DTX3: variants seen among roughly 807,000 people sequenced by gnomAD.
DTX3 encodes deltex E3 ubiquitin ligase 3, also known as E3 ubiquitin-protein ligase DTX3.
Under a neutral mutation model 27.4 loss-of-function variants are expected in DTX3, and 10 were observed. The observed-to-expected ratio is 0.36, with a 90% confidence interval of 0.22 to 0.62. The LOEUF (loss-of-function observed/expected upper bound fraction) is 0.62, where lower values mean the gene tolerates loss of function less well. Among genes scored for constraint, DTX3 ranks in the 20% least tolerant of loss-of-function variants. The probability of loss-of-function intolerance (pLI) is 0.68; values close to 1 mark genes in which losing one functional copy is unlikely to be tolerated. For synonymous variants in DTX3, 171 were observed against 190.7 expected, an observed-to-expected ratio of 0.90 and a Z score of 0.85; for missense variants, 319 against 463.8, an observed-to-expected ratio of 0.69 and a Z score of 2.87.
At chr12:57,606,620 G>T in intron 4 of DTX3, 102 bp downstream of exon 4, 1 of 1,515,906 alleles carries the variant, frequency 6.6e-7, no homozygotes, top group South Asian at 1.2e-5. Context: ...TGGGAGAAAT[G>T]ACAGGAGAAA....
Position 57,607,454 on chromosome 12 carries a change from G to A in DTX3, c.591G>A (p.Lys197=). 6.2e-7 allele frequency: 1 copy of A among 1,614,126 alleles called. No homozygotes were observed. The highest frequency in any genetic ancestry group is 1.1e-5 in the South Asian group (1 of 91,082). Residue 197 remains lysine (K), a synonymous_variant, in exon 5 of 7, where the codon AAG becomes AAA. Transcript: ENST00000337737. This position sits in a 1 kb window ranked among gnomAD's most constrained non-coding sequence, Gnocchi z 7.7. ...GCITRALQVK[K]ACPMCGRFYG... ...TCACCCGGGCTCTGCAGGTGAAAAA[G>A]GCCTGCCCCATGTGCGGCCGCTTCT... is the stretch of plus-strand genomic sequence containing the variant.
rs1020305489 is a variant in DTX3 at position 57,609,364 on chromosome 12, A to G, written c.*212A>G. The G allele has an allele frequency of 1.4e-4, 80 of 580,780 alleles. No homozygotes were observed. The highest frequency in any genetic ancestry group is 2.3e-4 in the Non-Finnish European group (76 of 324,358). The allele number at this position is 580,780 out of a possible 1,614,324, so 36.0% of individuals were successfully genotyped here. ...AGTGTGAGCCACTCCCTTCTGGCAG[A>G]GGCCGACCTCCAAGGCTCTGTTCTC... On this transcript the variant is annotated 3_prime_UTR_variant, in exon 7 of 7. Coordinates refer to ENST00000337737, the MANE Select transcript of DTX3 (RefSeq NM_178502.4).
At chr12:57,606,365 C>A in intron 3 of DTX3, 78 bp from the exon 4 acceptor site, 1 of 1,134,456 alleles carries the variant, frequency 8.8e-7, no homozygotes, top group Non-Finnish European at 1.3e-6. Flanking sequence ...GTCTCTGTTC[C>A]ATGGGCTGCT....
Position 57,607,287 on chromosome 12 carries a change from C to T in DTX3, c.424C>T (p.Pro142Ser), listed in dbSNP as rs753909612. Residue 142 changes from proline (P) to serine (S), a missense_variant, in exon 5 of 7, where the codon CCT becomes TCT. By Grantham distance (74) the Pro-to-Ser change is moderately conservative. Transcript: ENST00000337737. The surrounding 1 kb of genome is among the most constrained non-coding windows in gnomAD (Gnocchi z 7.7). ...PPGARGLPPPPPPLPPPLPPR... is the reference protein window; with the variant it reads ...PPGARGLPPPSPPLPPPLPPR... Reference sequence around the variant, plus strand: ...AGGAGCTCGGGGGCTCCCCCCTCCTCCTCCCCCCCTGCCCCCACCTCTTCC... The same window carrying T: ...AGGAGCTCGGGGGCTCCCCCCTCCTTCTCCCCCCCTGCCCCCACCTCTTCC... 1.6e-6 allele frequency: 2 copies of T among 1,249,156 alleles called. No individual in the cohort carries two copies. The highest frequency in any genetic ancestry group is 2.3e-6 in the Non-Finnish European group (2 of 872,998). The allele number at this position is 1,249,156 out of a possible 1,614,324, so 77.4% of individuals were successfully genotyped here.
Position 57,607,074 on chromosome 12 carries a change from C to A in DTX3, c.211C>A (p.Pro71Thr). ...QLSPQGPPPA[P>T]PNGLYLARKA... ...TTCCCCACAGGGTCCTCCCCCGGCCCCTCCAAATGGGCTCTACCTAGCCCG... is the reference window on the plus strand; with the variant it reads ...TTCCCCACAGGGTCCTCCCCCGGCCACTCCAAATGGGCTCTACCTAGCCCG... Residue 71 changes from proline (P) to threonine (T), a missense_variant, in exon 5 of 7, where the codon CCT becomes ACT. Coordinates refer to ENST00000337737, the MANE Select transcript of DTX3 (RefSeq NM_178502.4). This position sits in a 1 kb window ranked among gnomAD's most constrained non-coding sequence, Gnocchi z 7.7. 6.2e-7 allele frequency: 1 copy of A among 1,614,242 alleles called. No individual in the cohort carries two copies. The highest frequency in any genetic ancestry group is 8.5e-7 in the Non-Finnish European group (1 of 1,180,036).
Position 57,607,507 on chromosome 12 carries a change from A to C in DTX3, c.644A>C (p.Gln215Pro), listed in dbSNP as rs756806035. ...GGGCAGCTGGTGGGCAACCAGCCCC[A>C]GAATGGGCGGATGCTGGTCTCTAAG... is the stretch of plus-strand genomic sequence containing the variant. ...FYGQLVGNQP[Q>P]NGRMLVSKDA... Residue 215 changes from glutamine to proline, a missense_variant, in exon 5 of 7, where the codon CAG (glutamine) becomes CCG (proline). This residue lies in a region of DTX3 where 117 missense variants were observed against 258.5 expected (regional missense o/e 0.45). Coordinates refer to ENST00000337737, the MANE Select transcript of DTX3 (RefSeq NM_178502.4). The surrounding 1 kb of genome is among the most constrained non-coding windows in gnomAD (Gnocchi z 7.7). The C allele has an allele frequency of 1.9e-6, 3 of 1,614,238 alleles. No individual in the cohort carries two copies. The South Asian group carries it at 3.3e-5, about 18-fold the overall frequency.
rs746332380 is a variant in DTX3, at chr12:57,606,977, C to T, written c.114C>T (p.Ala38=). The change falls in exon 5 of 7, where the codon GCC becomes GCT. Residue 38 remains alanine, a synonymous_variant. Transcript: ENST00000337737. ...GCAAAGAGACCCCAGCCCGGCTGGC[C>T]CGGCTTCGGGAGGAGCACCGTGTGT... The part of the protein sequence containing the change: ...FLSKETPARL[A]RLREEHRVSI... 1.6e-5 allele frequency: 26 copies of T among 1,614,102 alleles called. No individual in the cohort carries two copies. In the South Asian group the frequency reaches 2.7e-4, roughly 17 times the overall value.
Position 57,607,390 on chromosome 12 carries a change from C to A in DTX3, c.527C>A (p.Thr176Lys). ...CTGGGGGAGATCCAGAATGCCAAGA[C>A]ATTGGAGAAGTGCCGGCATTCATTC... The part of the protein sequence containing the change: ...ICLGEIQNAK[T>K]LEKCRHSFCE... The change falls in exon 5 of 7, where the codon ACA (threonine) becomes AAA (lysine). Residue 176 changes from threonine to lysine, a missense_variant. Physicochemically the swap from Thr to Lys is moderately conservative, Grantham distance 78. Coordinates refer to ENST00000337737, the MANE Select transcript of DTX3 (RefSeq NM_178502.4). This position sits in a 1 kb window ranked among gnomAD's most constrained non-coding sequence, Gnocchi z 7.7. The A allele has an allele frequency of 6.2e-7, 1 of 1,613,678 alleles. No individual in the cohort carries two copies. The highest frequency in any genetic ancestry group is 8.5e-7 in the Non-Finnish European group (1 of 1,179,796).
Position 57,607,735 on chromosome 12 carries a change from TC to T in DTX3, c.750+124del. ...AGTCTTGCTGTCTTCCACTGTGCCC[TC>T]CTACTCAGTGCCCTGGACCTAGGAG... On this transcript the variant is annotated intron_variant, in intron 5 of 6. Transcript: ENST00000337737. This position sits in a 1 kb window ranked among gnomAD's most constrained non-coding sequence, Gnocchi z 7.7. 4 of 1,326,626 alleles carry T rather than the reference TC, an allele frequency of 3.0e-6. No individual in the cohort carries two copies. The highest frequency in any genetic ancestry group is 4.2e-6 in the Non-Finnish European group (4 of 943,654). The allele number at this position is 1,326,626 out of a possible 1,614,324, so 82.2% of individuals were successfully genotyped here.
intron 4 of DTX3, 35 bp downstream of exon 4, chr12:57,606,553 C>G: frequency 6.2e-7 from 1 of 1,609,396 alleles, no homozygotes. Context: ...GTCTCCCTCC[C>G]CTTTAAACAG....
rs755235895 is a variant in DTX3, at chr12:57,609,123, C to T, written c.1015C>T (p.Leu339=). Residue 339 remains leucine (L), a synonymous_variant, in exon 7 of 7, where the codon CTG becomes TTG. Coordinates refer to ENST00000337737, the MANE Select transcript of DTX3 (RefSeq NM_178502.4). ...PTYLTRVQEE[L]RAKGITDD is the part of the protein sequence containing the mutation. ...CTACCTGACCCGGGTGCAAGAGGAG[C>T]TGAGAGCGAAGGGTATCACAGATGA... 3 of 1,614,052 alleles carry T rather than the reference C, an allele frequency of 1.9e-6. No individual in the cohort carries two copies. The highest frequency in any genetic ancestry group is 1.3e-5 in the African/African-American group (1 of 74,906).
Position 57,609,239 on chromosome 12 carries a change from C to T in DTX3, c.*87C>T, listed in dbSNP as rs371838961. The T allele has an allele frequency of 4.9e-6, 6 of 1,220,612 alleles. No homozygotes were observed. Among genetic ancestry groups the T allele is most frequent in the Middle Eastern group, 2.2e-4 (1 of 4,618 alleles). The allele number at this position is 1,220,612 out of a possible 1,614,324, so 75.6% of individuals were successfully genotyped here. A position where few individuals can be genotyped will look rare whatever the true frequency, so the allele number is the denominator to read the frequency against. On this transcript the variant is annotated 3_prime_UTR_variant, in exon 7 of 7. Coordinates refer to ENST00000337737, the MANE Select transcript of DTX3 (RefSeq NM_178502.4). ...TTTCTCCTCTCTGCCCCCTGCCCCC[C>T]ACACCACACCTGTAGGGGACCTGTC...
In DTX3 at chr12:57,608,790, C is replaced by T. The variant is rs112034303; in HGVS notation, c.968+53C>T. On this transcript the variant is annotated intron_variant, in intron 6 of 6. Coordinates refer to ENST00000337737, the MANE Select transcript of DTX3 (RefSeq NM_178502.4). The surrounding 1 kb of genome is among the most constrained non-coding windows in gnomAD (Gnocchi z 6.1). ...TTGGCTCCTCCCCTTTGTTCCATTTCCACTGAGGGACCCACCAACCCCTCG... is the reference window on the plus strand; with the variant it reads ...TTGGCTCCTCCCCTTTGTTCCATTTTCACTGAGGGACCCACCAACCCCTCG... 0.011 allele frequency: 16,945 copies of T among 1,589,442 alleles called. 110 individuals are homozygous for T. Among genetic ancestry groups the T allele is most frequent in the Non-Finnish European group, 0.014 (15,746 of 1,163,926 alleles).
At position 57,608,859 on chromosome 12, in the gene DTX3, C is replaced by A; in HGVS notation, c.968+122C>A. 7 of 1,248,494 alleles carry A rather than the reference C, an allele frequency of 5.6e-6. No individual in the cohort carries two copies. The highest frequency in any genetic ancestry group is 6.9e-6 in the Non-Finnish European group (6 of 873,438). The allele number at this position is 1,248,494 out of a possible 1,614,324, so 77.3% of individuals were successfully genotyped here. On this transcript the variant is annotated intron_variant, in intron 6 of 6. Coordinates refer to ENST00000337737, the MANE Select transcript of DTX3 (RefSeq NM_178502.4). This position sits in a 1 kb window ranked among gnomAD's most constrained non-coding sequence, Gnocchi z 6.1. ...TGGAGAGAACCACTTCCAAACTGTT[C>A]AGCCATCTCAGTTTCTCCTACATTC...
Position 57,609,233 on chromosome 12 carries a change from G to A in DTX3, c.*81G>A. 7.6e-7 allele frequency: 1 copy of A among 1,315,916 alleles called. No homozygotes were observed. The highest frequency in any genetic ancestry group is 1.1e-6 in the Non-Finnish European group (1 of 920,658). 81.5% of individuals were successfully genotyped at this position (1,315,916 alleles called of 1,614,324 possible). On this transcript the variant is annotated 3_prime_UTR_variant, in exon 7 of 7. Coordinates refer to ENST00000337737, the MANE Select transcript of DTX3 (RefSeq NM_178502.4). ...AGCCTCTTTCTCCTCTCTGCCCCCT[G>A]CCCCCCACACCACACCTGTAGGGGA...
rs1000700275 is a variant in DTX3, at chr12:57,607,160, G to T, written c.297G>T (p.Gln99His). 6.2e-7 allele frequency: 1 copy of T among 1,614,008 alleles called. No homozygotes were observed. The highest frequency in any genetic ancestry group is 8.5e-7 in the Non-Finnish European group (1 of 1,180,028). ...AAGAGCTGAAGAAAGCTCAGAGGCAGGGGGAGCTGATGGGCTGCCTGGCTC... is the reference window on the plus strand; with the variant it reads ...AAGAGCTGAAGAAAGCTCAGAGGCATGGGGAGCTGATGGGCTGCCTGGCTC... Reference protein sequence around the residue: ...AEKELKKAQRQGELMGCLALG... With the variant: ...AEKELKKAQRHGELMGCLALG... Residue 99 changes from glutamine (Q) to histidine (H), a missense_variant, in exon 5 of 7, where the codon CAG becomes CAT. By Grantham distance (24) the Gln-to-His change is conservative. This residue lies in a region of DTX3 where 202 missense variants were observed against 205.3 expected (regional missense o/e 0.98). Coordinates refer to ENST00000337737, the MANE Select transcript of DTX3 (RefSeq NM_178502.4). This position sits in a 1 kb window ranked among gnomAD's most constrained non-coding sequence, Gnocchi z 7.7.
chr12:57,608,419 G>GGGT lies in DTX3; in HGVS notation c.751-99_751-98insTGG. On this transcript the variant is annotated intron_variant, in intron 5 of 6. Transcript: ENST00000337737. This position sits in a 1 kb window ranked among gnomAD's most constrained non-coding sequence, Gnocchi z 6.1. ...GTTGCTGCCCCGTTCGCATTAGCTG[G>GGGT]GGGTGCTCAGACAGAGACTAGCCTG... The GGGT allele has an allele frequency of 9.5e-7, 1 of 1,054,056 alleles. No homozygotes were observed. The highest frequency in any genetic ancestry group is 1.4e-6 in the Non-Finnish European group (1 of 714,082). 65.3% of individuals were successfully genotyped at this position (1,054,056 alleles called of 1,614,324 possible). A position where few individuals can be genotyped will look rare whatever the true frequency, so the allele number is the denominator to read the frequency against.
Position 57,609,444 on chromosome 12 carries a change from T to A in DTX3, c.*292T>A. The stretch of plus-strand genomic sequence containing the variant: ...CCCTGCCCCTCCATTGCCCTTGGCT[T>A]TTTCTGGTATGTGCTGTGCTCCACG... On this transcript the variant is annotated 3_prime_UTR_variant, in exon 7 of 7. Transcript: ENST00000337737. 2.4e-6 allele frequency: 1 copy of A among 417,036 alleles called. No individual in the cohort carries two copies. The highest frequency in any genetic ancestry group is 4.5e-6 in the Non-Finnish European group (1 of 224,648). 25.8% of individuals were successfully genotyped at this position (417,036 alleles called of 1,614,324 possible).
rs1266315767 is a variant in DTX3 at position 57,607,796 on chromosome 12, TC to T, written c.750+186del. ...AGGCCCAGCCTTTCCATCCCTGTGATCCCAAGGCACACGTGAAAATCAGATA... is the reference window on the plus strand; with the variant it reads ...AGGCCCAGCCTTTCCATCCCTGTGATCCAAGGCACACGTGAAAATCAGATA... On this transcript the variant is annotated intron_variant, in intron 5 of 6. Coordinates refer to ENST00000337737, the MANE Select transcript of DTX3 (RefSeq NM_178502.4). The surrounding 1 kb of genome is among the most constrained non-coding windows in gnomAD (Gnocchi z 7.7). Among the ~76,000 whole-genome samples the T allele has an allele frequency of 2.0e-5, 3 of 151,390 alleles. No homozygotes were observed. Among genetic ancestry groups the T allele is most frequent in the African/African-American group, 7.3e-5 (3 of 41,128 alleles).
Sources: gnomAD v4.1 joint callset for allele counts (sites outside exome capture counted in the v4.1 genomes callset) on GRCh38, gnomAD v4.1.1 for gene constraint, gnomAD v4.1.1 regional missense constraint, Gnocchi (gnomAD v3.1) non-coding constraint, MANE v1.5 for transcripts, NCBI Gene and HGNC (gene_info 2026-07-23, HGNC 2026-07-21) for gene names.